Variants in PLAA observed in about 807,000 individuals in gnomAD.
PLAA encodes the protein phospholipase A-2-activating protein.
PLAA carries 48 observed loss-of-function variants against 84.1 expected under a neutral mutation model. That is an observed-to-expected ratio of 0.57 (90% CI 0.45 to 0.73). PLAA has a LOEUF of 0.73. Ranked by LOEUF, PLAA falls within the 30% of genes least tolerant of loss-of-function variation. The probability of loss-of-function intolerance (pLI) is 0.00; values close to 1 mark genes in which losing one functional copy is unlikely to be tolerated. For missense variants in PLAA, 903 were observed against 954.7 expected (o/e 0.95, Z 0.71); for synonymous variants, 392 against 336.6 (o/e 1.16, Z -1.80).
intron 1 of PLAA, among the ~76,000 whole-genome samples, chr9:26,936,639 C>G (rs190987119): frequency 6.6e-6 from 1 of 152,310 alleles, no homozygotes; most frequent in East Asian, 1.9e-4. Flanking sequence ...TGCATCTGTT[C>G]CCAGAGAACC....
intron 4 of PLAA, among the ~76,000 whole-genome samples, chr9:26,927,598 T>C (rs775435954): frequency 1.3e-5 from 2 of 152,198 alleles, no homozygotes; most frequent in Non-Finnish European, 2.9e-5. Flanking sequence ...TGCATCAGTA[T>C]TGGCATTATT....
At chr9:26,927,904 G>A (rs1825029239) in intron 4 of PLAA, among the ~76,000 whole-genome samples, 196 bp downstream of exon 4, 1 of 151,970 alleles carries the variant, frequency 6.6e-6, no homozygotes, top group African/African-American at 2.4e-5. Context: ...TCTACATTTG[G>A]CTGTTTTATG....
chr9:26,930,393 T>G (rs1212917340), intron 2 of PLAA, among the ~76,000 whole-genome samples: 2 of 151,488 alleles, frequency 1.3e-5, no homozygotes, highest in South Asian at 2.1e-4. Flanking sequence ...ATGAGCCACT[T>G]CGCCCAGCCA....
At chr9:26,924,504 C>A (rs1036179164) in intron 6 of PLAA, among the ~76,000 whole-genome samples, 1 of 152,114 alleles carries the variant, frequency 6.6e-6, no homozygotes, top group Non-Finnish European at 1.5e-5. Context: ...TCCTCCAACC[C>A]TTTATTTCCT....
At chr9:26,946,796 G>T (rs1012459588) in intron 1 of PLAA, 101 bp downstream of exon 1, 20 of 1,316,744 alleles carry the variant, frequency 1.5e-5, no homozygotes, top group Non-Finnish European at 1.9e-5. Flanking sequence ...GGAAGGCTGG[G>T]GGGAGAGAGA....
At chr9:26,934,775 G>T (rs935888104) in intron 2 of PLAA, among the ~76,000 whole-genome samples, 1 of 151,948 alleles carries the variant, frequency 6.6e-6, no homozygotes, top group African/African-American at 2.4e-5. Context: ...CACCGCTCCC[G>T]GCCAATAACT....
chr9:26,926,643 A>G (rs1824977243), intron 4 of PLAA, 83 bp from the exon 5 acceptor site: 5 of 939,944 alleles, frequency 5.3e-6, no homozygotes, highest in East Asian at 2.5e-5. Flanking sequence ...ATTATAAAAC[A>G]TATCAGTGAG....
rs1825752770 is a variant in PLAA at position 26,947,022 on chromosome 9, G to A, written c.24C>T (p.Tyr8=). The A allele has an allele frequency of 1.3e-6, 2 of 1,588,980 alleles. No homozygotes were observed. The highest frequency in any genetic ancestry group is 1.3e-5 in the African/African-American group (1 of 74,440). The change falls in exon 1 of 14, where the codon TAC becomes TAT. Residue 8 remains tyrosine, a synonymous_variant. Transcript: ENST00000397292. Reference sequence around the variant, plus strand: ...GGCCCCGGAGCGAGCAGCTCAGCCGGTACCTGGTTGCGCCGCTCGTCATGG... The same window carrying A: ...GGCCCCGGAGCGAGCAGCTCAGCCGATACCTGGTTGCGCCGCTCGTCATGG... The part of the protein sequence containing the change: MTSGATR[Y]RLSCSLRGHE...
rs1317541490 is a variant in PLAA at position 26,905,458 on chromosome 9, T to C, written c.*53A>G. 1.6e-6 allele frequency: 2 copies of C among 1,270,400 alleles called. No homozygotes were observed. Among genetic ancestry groups the C allele is most frequent in the Non-Finnish European group, 2.2e-6 (2 of 902,926 alleles). The allele number at this position is 1,270,400 out of a possible 1,614,324, so 78.7% of individuals were successfully genotyped here. On this transcript the variant is annotated 3_prime_UTR_variant, in exon 14 of 14. Transcript: ENST00000397292. ...ATTATCTGTTATCAGTCATGTCAAA[T>C]GTGAGGAAAAAAACACTAATCAATT...
At chr9:26,922,304 C>T (rs1258062824) in intron 7 of PLAA, among the ~76,000 whole-genome samples, 1 of 150,306 alleles carries the variant, frequency 6.7e-6, no homozygotes, top group Non-Finnish European at 1.5e-5. Flanking sequence ...TTTTAAACTA[C>T]AACTGCATGC....
intron 10 of PLAA, chr9:26,916,046 A>T (rs1028802006): frequency 3.5e-5 from 34 of 985,286 alleles, no homozygotes; most frequent in Non-Finnish European, 3.9e-5. Context: ...ATAGTTAATT[A>T]TTTTCATTTA....
At chr9:26,944,839 C>T (rs1402143122) in intron 1 of PLAA, among the ~76,000 whole-genome samples, 1 of 152,142 alleles carries the variant, frequency 6.6e-6, no homozygotes, top group African/African-American at 2.4e-5. Flanking sequence ...ACAAAAAAAT[C>T]ATGAGTTCGG....
chr9:26,931,688 T>C (rs1156346375), intron 2 of PLAA, among the ~76,000 whole-genome samples: 2 of 151,976 alleles, frequency 1.3e-5, no homozygotes, highest in African/African-American at 4.8e-5. Context: ...TTGTGGGAAA[T>C]TCTACAGCTA....
At chr9:26,937,150 GA>G (rs1453638759) in intron 1 of PLAA, among the ~76,000 whole-genome samples, 3 of 149,286 alleles carry the variant, frequency 2.0e-5, no homozygotes, top group South Asian at 4.2e-4. Flanking sequence ...CTCAAAAAAA[GA>G]AAAAAAAAGG....
At chr9:26,908,431 G>T (rs191535495) in intron 12 of PLAA, among the ~76,000 whole-genome samples, 3 of 151,544 alleles carry the variant, frequency 2.0e-5, no homozygotes, top group Admixed American at 6.6e-5. Flanking sequence ...CTCCCGAAGT[G>T]CTGTGATTAC....
chr9:26,907,035 T>TA (rs1206034697), intron 13 of PLAA, among the ~76,000 whole-genome samples: 1 of 101,344 alleles, frequency 9.9e-6, no homozygotes, highest in Non-Finnish European at 2.0e-5. Flanking sequence ...GACATTTTAT[T>TA]GAAAAAAAAA....
At chr9:26,946,774 C>A (rs145438267) in intron 1 of PLAA, 123 bp downstream of exon 1, 7 of 1,104,994 alleles carry the variant, frequency 6.3e-6, no homozygotes, top group East Asian at 5.4e-5. Context: ...TGGAAGGGAG[C>A]GGAGAGCAGA....
At chr9:26,909,121 T>G (rs1824323620) in intron 12 of PLAA, among the ~76,000 whole-genome samples, 1 of 152,192 alleles carries the variant, frequency 6.6e-6, no homozygotes, top group South Asian at 2.1e-4. Context: ...TTACTGTGTT[T>G]CTTTAAAAAT....
At chr9:26,946,873 G>A (rs1306638917) in intron 1 of PLAA, 24 bp downstream of exon 1, 1 of 1,555,980 alleles carries the variant, frequency 6.4e-7, no homozygotes, top group South Asian at 1.2e-5. Context: ...ACACAGCCGG[G>A]GCAACCCGAC....
Sources: allele counts gnomAD v4.1 joint callset (sites outside exome capture counted in the v4.1 genomes callset), GRCh38; gene constraint gnomAD v4.1.1; transcripts MANE v1.5; gene names NCBI Gene and HGNC (gene_info 2026-07-23, HGNC 2026-07-21).